The following NCR3LG1 variants were observed in gnomAD, a reference collection of about 807,000 sequenced individuals.
NCR3LG1 encodes the protein natural killer cell cytotoxicity receptor 3 ligand 1.
In NCR3LG1, 35 loss-of-function variants were observed where a neutral mutation model predicts 34.8. The observed-to-expected ratio is 1.01, with a 90% CI of 0.77 to 1.33. The LOEUF is 1.33. Ranked by LOEUF, NCR3LG1 falls within the 40% of genes most tolerant of loss-of-function variation. The pLI is 0.00. For missense variants in NCR3LG1, 452 were observed against 423.3 expected (o/e 1.07, Z -0.60); for synonymous variants, 173 against 163.6 (o/e 1.06, Z -0.44).
intron 1 of NCR3LG1, 138 bp downstream of exon 1, chr11:17,352,177 C>CTTTTTT: frequency 6.8e-6 from 2 of 292,890 alleles, no homozygotes; most frequent in Non-Finnish European, 1.2e-5. Flanking sequence ...ATTTCTTCTC[C>CTTTTTT]TTTTTTTTTT....
chr11:17,355,818 GAC>G (rs1036028893), intron 1 of NCR3LG1, among the ~76,000 whole-genome samples: 76 of 152,070 alleles, frequency 5.0e-4, no homozygotes, highest in African/African-American at 1.8e-3. Context: ...TTGTTTTTGA[GAC>G]AGAGTCTCAC....
intron 1 of NCR3LG1, among the ~76,000 whole-genome samples, chr11:17,353,094 C>T (rs915006958): frequency 2.0e-5 from 3 of 152,202 alleles, no homozygotes; most frequent in African/African-American, 4.8e-5. Flanking sequence ...GGCAGCTTCA[C>T]ACCACGCCCT....
At chr11:17,357,096 T>C in intron 2 of NCR3LG1, 95 bp downstream of exon 2, 1 of 838,726 alleles carries the variant, frequency 1.2e-6, no homozygotes, top group South Asian at 1.8e-5. Context: ...TTTCCTGTAT[T>C]ATAAAATGGT....
intron 1 of NCR3LG1, among the ~76,000 whole-genome samples, chr11:17,355,520 G>A (rs1322927913): frequency 1.3e-5 from 2 of 152,098 alleles, no homozygotes; most frequent in Non-Finnish European, 2.9e-5. Flanking sequence ...TCTGGAAACT[G>A]TAAAATATTG....
intron 2 of NCR3LG1, among the ~76,000 whole-genome samples, chr11:17,362,448 C>T (rs532899453): frequency 2.0e-5 from 3 of 152,152 alleles, no homozygotes; most frequent in South Asian, 2.1e-4. Context: ...TGTCTTTATG[C>T]GGTTTTGGCA....
At chr11:17,378,275 C>T (rs942329431), downstream of NCR3LG1, among the ~76,000 whole-genome samples, 5 of 152,038 alleles carry the variant, frequency 3.3e-5, no homozygotes, top group East Asian at 5.8e-4. Context: ...AGAGAATGTA[C>T]AGGTGCTTAA....
chr11:17,353,775 G>T (rs544055114), intron 1 of NCR3LG1, among the ~76,000 whole-genome samples: 2 of 152,340 alleles, frequency 1.3e-5, no homozygotes, highest in South Asian at 2.1e-4. Context: ...CGAGGAGCGC[G>T]GCGGCGGCTG....
At chr11:17,362,670 T>C (rs1369039929) in intron 2 of NCR3LG1, among the ~76,000 whole-genome samples, 4 of 140,510 alleles carry the variant, frequency 2.8e-5, no homozygotes, top group African/African-American at 8.0e-5. Flanking sequence ...ATTGACTCAG[T>C]GTCTCCTTCC....
chr11:17,363,131 C>T (rs1417950138), intron 2 of NCR3LG1, among the ~76,000 whole-genome samples: 1 of 150,028 alleles, frequency 6.7e-6, no homozygotes, highest in Admixed American at 6.7e-5. Context: ...CTATGTTGCC[C>T]AGACTCGTCT....
rs546094114 is a variant in NCR3LG1, at chr11:17,353,529, G to A, written c.70+1490G>A. Among the ~76,000 whole-genome samples, 409 of 152,306 alleles carry A rather than the reference G, an allele frequency of 2.7e-3. 2 individuals are homozygous for A. The highest frequency in any genetic ancestry group is 2.9e-3 in the Non-Finnish European group (198 of 68,022). On this transcript the variant is annotated intron_variant, in intron 1 of 4. Transcript: ENST00000338965. ...CAGTGGGCTGCCGCCGCGCCCACCC[G>A]GTCCCATGCCCGTCCCGCGCCCCCT...
chr11:17,368,693 T>C (rs1019450439), intron 3 of NCR3LG1, among the ~76,000 whole-genome samples, 174 bp from the exon 4 acceptor site: 1 of 152,118 alleles, frequency 6.6e-6, no homozygotes, highest in Non-Finnish European at 1.5e-5. Context: ...CACTGTTTGA[T>C]GTATGGAGGT....
intron 4 of NCR3LG1, among the ~76,000 whole-genome samples, chr11:17,369,847 G>A (rs1202434521): frequency 6.6e-6 from 1 of 152,214 alleles, no homozygotes; most frequent in Non-Finnish European, 1.5e-5. Flanking sequence ...GCTATTGAGA[G>A]AGGAGGAAGG....
In NCR3LG1 at chr11:17,372,715, G is replaced by C. The variant is rs1391885482; in HGVS notation, c.*203G>C. 1 of 507,470 alleles carries C rather than the reference G, an allele frequency of 2.0e-6. No individual in the cohort carries two copies. The highest frequency in any genetic ancestry group is 3.5e-6 in the Non-Finnish European group (1 of 289,072). 31.4% of individuals were successfully genotyped at this position (507,470 alleles called of 1,614,324 possible). On this transcript the variant is annotated 3_prime_UTR_variant, in exon 5 of 5. Transcript: ENST00000338965. The stretch of plus-strand genomic sequence containing the variant: ...CTTAACTACTACAGAGAAACAGGTA[G>C]CCCTGCAGGCAGCAGAAAAATTCAG...
chr11:17,360,471 G>A (rs1022011641), intron 2 of NCR3LG1, among the ~76,000 whole-genome samples: 2 of 152,030 alleles, frequency 1.3e-5, no homozygotes, highest in Non-Finnish European at 1.5e-5. Flanking sequence ...CCAAACCCAA[G>A]GCTACCTAGA....
At chr11:17,362,862 TCTCCC>T (rs1214577244) in intron 2 of NCR3LG1, among the ~76,000 whole-genome samples, 73 of 126,466 alleles carry the variant, frequency 5.8e-4, no homozygotes, top group Non-Finnish European at 1.0e-3. Context: ...TTCCTTTCTT[TCTCCC>T]CTCCCCTCCC....
At chr11:17,363,061 C>G (rs1261722207) in intron 2 of NCR3LG1, among the ~76,000 whole-genome samples, 1 of 149,486 alleles carries the variant, frequency 6.7e-6, no homozygotes. Context: ...GCTGGGACCA[C>G]AGGCATGCAC....
Position 17,352,002 on chromosome 11 carries a change from G to T in NCR3LG1, c.33G>T (p.Ala11=). 1 of 1,525,750 alleles carries T rather than the reference G, an allele frequency of 6.6e-7. No homozygotes were observed. The highest frequency in any genetic ancestry group is 1.2e-5 in the South Asian group (1 of 83,748). The allele number at this position is 1,525,750 out of a possible 1,614,324, so 94.5% of individuals were successfully genotyped here. A position where few individuals can be genotyped will look rare whatever the true frequency, so the allele number is the denominator to read the frequency against. The part of the protein sequence containing the change: MTWRAAASTC[A]ALLILLWALT... ...GGAGGGCTGCCGCCTCCACGTGCGC[G>T]GCGCTCCTGATTCTGCTGTGGGCGC... The change falls in exon 1 of 5, where the codon GCG becomes GCT. Residue 11 remains alanine (A), a synonymous_variant. Coordinates refer to ENST00000338965, the MANE Select transcript of NCR3LG1 (RefSeq NM_001202439.3).
rs1953479300 is a variant in NCR3LG1, at chr11:17,376,526, CT to C, written c.*4016del. 1 of 152,204 alleles carries C rather than the reference CT, an allele frequency of 6.6e-6. No individual in the cohort carries two copies. Among genetic ancestry groups the C allele is most frequent in the Non-Finnish European group, 1.5e-5 (1 of 68,046 alleles). 9.4% of individuals were successfully genotyped at this position (152,204 alleles called of 1,614,324 possible). On this transcript the variant is annotated 3_prime_UTR_variant, in exon 5 of 5. Transcript: ENST00000338965. Reference sequence around the variant, plus strand: ...TCAGTTCAGTAACACTAAGGAACCTCTTGATGACTTGGTATTTACTGTCTTA... The same window carrying C: ...TCAGTTCAGTAACACTAAGGAACCTCTGATGACTTGGTATTTACTGTCTTA...
Position 17,356,745 on chromosome 11 carries a change from C to T in NCR3LG1, c.165C>T (p.Pro55=). Residue 55 remains proline (P), a synonymous_variant, in exon 2 of 5, where the codon CCC becomes CCT. Transcript: ENST00000338965. The part of the protein sequence containing the change: ...TIFCNIFYSQ[P]LNITSMGITW... Reference sequence around the variant, plus strand: ...TCTGCAATATCTTTTATTCCCAACCCCTCAACATCACGTCTATGGGTATCA... The same window carrying T: ...TCTGCAATATCTTTTATTCCCAACCTCTCAACATCACGTCTATGGGTATCA... The T allele has an allele frequency of 6.5e-7, 1 of 1,536,394 alleles. No individual in the cohort carries two copies. Among genetic ancestry groups the T allele is most frequent in the Non-Finnish European group, 8.7e-7 (1 of 1,146,962 alleles).
Sources: gnomAD v4.1 joint callset for allele counts (sites outside exome capture counted in the v4.1 genomes callset) on GRCh38, gnomAD v4.1.1 for gene constraint, MANE v1.5 for transcripts, NCBI Gene and HGNC (gene_info 2026-07-23, HGNC 2026-07-21) for gene names.